The following PAK5 variants were observed in gnomAD, a reference collection of about 807,000 sequenced individuals.
PAK5 encodes the protein p21 (RAC1) activated kinase 5.
PAK5 carries 16 observed loss-of-function variants against 65.9 expected under a neutral mutation model. That is an observed-to-expected ratio of 0.24 (90% confidence interval 0.16 to 0.37). The LOEUF (loss-of-function observed/expected upper bound fraction) is 0.37, where lower values mean the gene tolerates loss of function less well. Ranked by LOEUF, PAK5 falls within the 10% of genes least tolerant of loss-of-function variation. The pLI is 1.00. For synonymous variants in PAK5, 371 were observed against 354.9 expected (o/e 1.05, Z -0.51); for missense variants, 785 against 903.9 (o/e 0.87, Z 1.69).
intron 1 of PAK5, chr20:9,784,632 C>T (rs6087021): frequency 6.7e-6 from 1 of 149,854 alleles, no homozygotes; most frequent in Non-Finnish European, 1.5e-5. Flanking sequence ...AAGCCAAGTC[C>T]TATATCAGGT....
chr20:9,708,233 C>T (rs571928436), intron 2 of PAK5, among the ~76,000 whole-genome samples: 1 of 152,130 alleles, frequency 6.6e-6, no homozygotes, highest in Admixed American at 6.5e-5. Flanking sequence ...GCCAAGGGAC[C>T]CTTTTGGAGG....
intron 3 of PAK5, among the ~76,000 whole-genome samples, chr20:9,606,539 C>T (rs1180980449): frequency 1.3e-5 from 2 of 152,262 alleles, no homozygotes; most frequent in East Asian, 1.9e-4. Context: ...TATACAGTGG[C>T]ATGAATAAGG....
chr20:9,540,736 A>C (rs969947590), intron 9 of PAK5, among the ~76,000 whole-genome samples: 6 of 142,602 alleles, frequency 4.2e-5, no homozygotes, highest in African/African-American at 5.1e-5. Context: ...ATTTTTAGTC[A>C]CTTTTTTTTT....
intron 1 of PAK5, among the ~76,000 whole-genome samples, chr20:9,730,060 TAG>T (rs912927249): frequency 2.1e-5 from 3 of 145,854 alleles, no homozygotes; most frequent in Non-Finnish European, 4.5e-5. Flanking sequence ...AAAAGAGAAT[TAG>T]AATTTTTCAA....
intron 3 of PAK5, among the ~76,000 whole-genome samples, chr20:9,601,793 G>A (rs2046364161): frequency 6.6e-6 from 1 of 152,036 alleles, no homozygotes; most frequent in South Asian, 2.1e-4. Flanking sequence ...CCTGACCTGG[G>A]CAGTTGCTGG....
At chr20:9,686,631 C>T (rs902114942) in intron 2 of PAK5, among the ~76,000 whole-genome samples, 3 of 152,150 alleles carry the variant, frequency 2.0e-5, no homozygotes, top group Non-Finnish European at 2.9e-5. Flanking sequence ...CTATCCCCTT[C>T]GACCTAGGAA....
chr20:9,729,994 A>AG (rs1372118589), intron 1 of PAK5, among the ~76,000 whole-genome samples: 2 of 71,644 alleles, frequency 2.8e-5, no homozygotes, highest in Non-Finnish European at 5.3e-5. Flanking sequence ...CCTGGGCAAC[A>AG]GGGAAAAAAA....
At chr20:9,617,042 A>C (rs776897587) in intron 3 of PAK5, among the ~76,000 whole-genome samples, 4 of 152,360 alleles carry the variant, frequency 2.6e-5, no homozygotes, top group Non-Finnish European at 5.9e-5. Context: ...AGTCCAGAAA[A>C]ATGCCAAGTC....
At chr20:9,641,601 C>T (rs2123265208) in intron 3 of PAK5, among the ~76,000 whole-genome samples, 1 of 152,056 alleles carries the variant, frequency 6.6e-6, no homozygotes, top group Middle Eastern at 3.4e-3. Context: ...ATTCCTCAGC[C>T]CTTGGGTGGT....
intron 1 of PAK5, among the ~76,000 whole-genome samples, chr20:9,735,882 C>T (rs2048383199): frequency 1.3e-5 from 2 of 150,162 alleles, no homozygotes; most frequent in African/African-American, 4.9e-5. Flanking sequence ...AACTTTGAGA[C>T]ATAGCAATAG....
Position 9,817,515 on chromosome 20 carries a change from TG to T in PAK5, c.-162+21246del, listed in dbSNP as rs1174254194. On this transcript the variant is annotated intron_variant, in intron 1 of 9. Transcript: ENST00000353224. ...TAATCTCCGGGGAAAGATATCTTACTGGTGAAGAAGAAAGATAACAGAAAAT... is the reference window on the plus strand; with the variant it reads ...TAATCTCCGGGGAAAGATATCTTACTGTGAAGAAGAAAGATAACAGAAAAT... Among the ~76,000 whole-genome samples the T allele has an allele frequency of 3.9e-5, 6 of 152,252 alleles. No individual in the cohort carries two copies. In the South Asian group the frequency reaches 6.2e-4, roughly 16 times the overall value.
intron 3 of PAK5, among the ~76,000 whole-genome samples, chr20:9,624,930 A>AT: frequency 6.6e-6 from 1 of 152,354 alleles, no homozygotes; most frequent in Admixed American, 6.5e-5. Flanking sequence ...GTTATAAGCA[A>AT]TTAAGTAAGG....
rs73243549 is a variant in PAK5 at position 9,563,670 on chromosome 20, G to A, written c.1483-646C>T. 8.8e-3 allele frequency among the ~76,000 whole-genome samples: 1,347 copies of A among 152,264 alleles called. 19 individuals are homozygous for A. The highest frequency in any genetic ancestry group is 0.029 in the African/African-American group (1,225 of 41,548). ...TGCTGCCCTGTGGCTGTTTCCACTC[G>A]AGTTTTCAGAGCTAGTGTTAAATAA... On this transcript the variant is annotated intron_variant, in intron 5 of 9. Coordinates refer to ENST00000353224, the MANE Select transcript of PAK5 (RefSeq NM_177990.4).
At chr20:9,565,831 C>A in intron 5 of PAK5, 62 bp downstream of exon 5, 1 of 1,509,222 alleles carries the variant, frequency 6.6e-7, no homozygotes, top group Non-Finnish European at 9.0e-7. Context: ...ATGTGTATAA[C>A]TTTTGAAATG....
Position 9,537,478 on chromosome 20 carries a change from T to C in PAK5, c.*1984A>G, listed in dbSNP as rs2045189755. On this transcript the variant is annotated 3_prime_UTR_variant, in exon 10 of 10. Transcript: ENST00000353224. ...CCTTTTAAGCTACAGTAACTTTTGGTAAACTCAATGAATACTTTAAAAAAT... is the reference window on the plus strand; with the variant it reads ...CCTTTTAAGCTACAGTAACTTTTGGCAAACTCAATGAATACTTTAAAAAAT... 4.7e-6 allele frequency: 1 copy of C among 211,684 alleles called. No individual in the cohort carries two copies. Among genetic ancestry groups the C allele is most frequent in the Non-Finnish European group, 9.6e-6 (1 of 104,056 alleles). 13.1% of individuals were successfully genotyped at this position (211,684 alleles called of 1,614,324 possible).
At position 9,644,190 on chromosome 20, in the gene PAK5, C is replaced by T; in HGVS notation, c.139G>A (p.Ala47Thr). 1.2e-6 allele frequency: 2 copies of T among 1,610,210 alleles called. No homozygotes were observed. Among genetic ancestry groups the T allele is most frequent in the Non-Finnish European group, 1.7e-6 (2 of 1,178,904 alleles). The change falls in exon 3 of 10, where the codon GCC becomes ACC. Residue 47 changes from alanine (A) to threonine (T), a missense_variant. Physicochemically the swap from Ala to Thr is moderately conservative, Grantham distance 58. This residue lies in a region of PAK5 where 71 missense variants were observed against 110.2 expected (regional missense o/e 0.64). Transcript: ENST00000353224. ...TCCACCATAGGCTTTGGCCTGTTGGCCGTATCTGCTAACAGGCTGTGCCAC... is the reference window on the plus strand; with the variant it reads ...TCCACCATAGGCTTTGGCCTGTTGGTCGTATCTGCTAACAGGCTGTGCCAC... ...QQWHSLLADT[A>T]NRPKPMVDPS... is the part of the protein sequence containing the mutation.
chr20:9,635,446 C>T (rs1055838183), intron 3 of PAK5, among the ~76,000 whole-genome samples: 3 of 152,118 alleles, frequency 2.0e-5, no homozygotes, highest in African/African-American at 4.8e-5. Flanking sequence ...TCTACTTGTC[C>T]ATCTGGCCAT....
intron 6 of PAK5, among the ~76,000 whole-genome samples, chr20:9,558,175 A>G (rs6133721): frequency 0.15 from 22,680 of 151,612 alleles, 2,473 homozygotes; most frequent in African/African-American, 0.3. Flanking sequence ...CAGTGGCACA[A>G]TCTCGGCTCA....
At chr20:9,770,283 C>T (rs772327195) in intron 1 of PAK5, among the ~76,000 whole-genome samples, 19 of 151,808 alleles carry the variant, frequency 1.3e-4, no homozygotes, top group Non-Finnish European at 2.1e-4. Context: ...GTTGACAGTG[C>T]GATGATGGGG....
Sources: gnomAD v4.1 joint callset for allele counts (sites outside exome capture counted in the v4.1 genomes callset) on GRCh38, gnomAD v4.1.1 for gene constraint, gnomAD v4.1.1 regional missense constraint, MANE v1.5 for transcripts, NCBI Gene and HGNC (gene_info 2026-07-23, HGNC 2026-07-21) for gene names.